PAM: variants seen among roughly 807,000 people sequenced by gnomAD.
PAM encodes the protein peptidyl-glycine alpha-amidating monooxygenase.
PAM carries 72 observed loss-of-function variants against 122.1 expected under a neutral mutation model. That is an observed-to-expected ratio of 0.59 (90% CI 0.49 to 0.72). The LOEUF is 0.72. Ranked by LOEUF, PAM falls within the 30% of genes least tolerant of loss-of-function variation. The pLI is 0.00. For synonymous variants in PAM, 389 were observed against 404.4 expected (o/e 0.96, Z 0.46); for missense variants, 1,106 against 1,183.7 (o/e 0.93, Z 0.96).
At chr5:102,803,213 G>T (rs187898263) in intron 1 of PAM, among the ~76,000 whole-genome samples, 2 of 67,138 alleles carry the variant, frequency 3.0e-5, no homozygotes, top group African/African-American at 1.1e-4. Context: ...AAGGAAAGAA[G>T]GAAGGAAGGA....
intron 1 of PAM, among the ~76,000 whole-genome samples, chr5:102,841,261 C>G (rs1778528827): frequency 6.6e-6 from 1 of 152,096 alleles, no homozygotes; most frequent in Admixed American, 6.6e-5. Context: ...TATCTTTTCT[C>G]CAGATTAAGT....
Position 103,007,629 on chromosome 5 carries a change from A to G in PAM, c.2187A>G (p.Arg729=). 6.2e-7 allele frequency: 1 copy of G among 1,611,858 alleles called. No homozygotes were observed. The highest frequency in any genetic ancestry group is 1.1e-5 in the South Asian group (1 of 91,050). ...VREIKHSSFG[R]NVFAISYIPG... is the part of the protein sequence containing the mutation. ...AGATTAAGCATTCATCATTTGGAAG[A>G]AATGTATTTGCAATTTCATATATAC... is the stretch of plus-strand genomic sequence containing the variant. The change falls in exon 20 of 26, where the codon AGA becomes AGG. Residue 729 remains arginine, a synonymous_variant. Transcript: ENST00000438793.
At chr5:102,821,928 T>A (rs1772056411) in intron 1 of PAM, among the ~76,000 whole-genome samples, 1 of 152,208 alleles carries the variant, frequency 6.6e-6, no homozygotes, top group African/African-American at 2.4e-5. Context: ...AATAAAAACC[T>A]AAATTGCTTC....
intron 1 of PAM, among the ~76,000 whole-genome samples, chr5:102,758,086 T>TG (rs1751115637): frequency 4.6e-5 from 2 of 43,780 alleles, no homozygotes; most frequent in East Asian, 9.9e-4. Context: ...TTTTTTTTTT[T>TG]TTTTTTTTTT....
intron 16 of PAM, among the ~76,000 whole-genome samples, chr5:102,992,871 A>G (rs1191479746): frequency 1.3e-5 from 2 of 152,144 alleles, no homozygotes; most frequent in Non-Finnish European, 2.9e-5. Context: ...GAAGCACATT[A>G]TATCCCATAG....
chr5:102,980,194 A>G (rs1320496762), intron 15 of PAM, among the ~76,000 whole-genome samples: 1 of 152,164 alleles, frequency 6.6e-6, no homozygotes, highest in Non-Finnish European at 1.5e-5. Context: ...AAAGTTGGGA[A>G]TGACTTGCCC....
chr5:102,782,717 C>G (rs1416257332), intron 1 of PAM, among the ~76,000 whole-genome samples: 5 of 146,766 alleles, frequency 3.4e-5, no homozygotes, highest in South Asian at 2.2e-4. Flanking sequence ...CTCTCTCTCT[C>G]TCTCTCTCTG....
At chr5:102,907,187 G>A (rs931831891) in intron 4 of PAM, among the ~76,000 whole-genome samples, 4 of 151,686 alleles carry the variant, frequency 2.6e-5, no homozygotes, top group Non-Finnish European at 5.9e-5. Context: ...GTACATCATT[G>A]TCCATACTAG....
rs542966828 is a variant in PAM at position 103,029,131 on chromosome 5, C to T, written c.*66C>T. 55 of 1,300,560 alleles carry T rather than the reference C, an allele frequency of 4.2e-5. No individual in the cohort carries two copies. The Admixed American group carries it at 5.7e-4, about 13-fold the overall frequency. The allele number at this position is 1,300,560 out of a possible 1,614,324, so 80.6% of individuals were successfully genotyped here. ...ATGTCAGATTCCTTTCCCTTTAGCACGTTTAAAGTTCTGTGTATTTAATTG... is the reference window on the plus strand; with the variant it reads ...ATGTCAGATTCCTTTCCCTTTAGCATGTTTAAAGTTCTGTGTATTTAATTG... On this transcript the variant is annotated 3_prime_UTR_variant, in exon 26 of 26. Coordinates refer to ENST00000438793, the MANE Select transcript of PAM (RefSeq NM_001177306.2).
intron 6 of PAM, among the ~76,000 whole-genome samples, chr5:102,925,316 C>T (rs562995621): frequency 2.0e-4 from 30 of 152,290 alleles, no homozygotes; most frequent in African/African-American, 7.0e-4. Flanking sequence ...TGACCTAAGG[C>T]ACATTGGTTC....
At chr5:102,836,508 G>C (rs186034052) in intron 1 of PAM, among the ~76,000 whole-genome samples, 2 of 152,278 alleles carry the variant, frequency 1.3e-5, no homozygotes, top group South Asian at 2.1e-4. Flanking sequence ...TGAGATTACA[G>C]ATGTGAACCA....
At chr5:102,939,321 T>C (rs982526978) in intron 7 of PAM, among the ~76,000 whole-genome samples, 2 of 152,104 alleles carry the variant, frequency 1.3e-5, no homozygotes, top group Non-Finnish European at 2.9e-5. Flanking sequence ...CTTTCAAAAC[T>C]CTTTCTTCTC....
At chr5:102,995,844 T>C (rs1007848887) in intron 16 of PAM, among the ~76,000 whole-genome samples, 1 of 152,116 alleles carries the variant, frequency 6.6e-6, no homozygotes, top group Non-Finnish European at 1.5e-5. Flanking sequence ...GTAAGTGTTT[T>C]TAACATAATA....
At chr5:102,998,608 T>C (rs1396807577) in intron 16 of PAM, among the ~76,000 whole-genome samples, 1 of 152,082 alleles carries the variant, frequency 6.6e-6, no homozygotes, top group Non-Finnish European at 1.5e-5. Flanking sequence ...TAAATGAAAA[T>C]ATTATATATA....
chr5:103,026,268 A>G (rs983293729), intron 24 of PAM, among the ~76,000 whole-genome samples: 1 of 152,144 alleles, frequency 6.6e-6, no homozygotes, highest in Admixed American at 6.5e-5. Flanking sequence ...GTGTGGGAAG[A>G]AATCCATGGA....
chr5:103,028,252 CT>C lies in PAM; in HGVS notation c.2743+18del, dbSNP rs776466447. ...GAAGATTTAGAGGTATGCCTATGAC[CT>C]TTTAGAACCCTTCATGTTTGGTTCA... On this transcript the variant is annotated intron_variant, in intron 25 of 25. Coordinates refer to ENST00000438793, the MANE Select transcript of PAM (RefSeq NM_001177306.2). 19 of 1,565,192 alleles carry C rather than the reference CT, an allele frequency of 1.2e-5. 1 individual carries two copies. Among genetic ancestry groups the C allele is most frequent in the Middle Eastern group, 1.7e-4 (1 of 5,986 alleles).
intron 21 of PAM, among the ~76,000 whole-genome samples, chr5:103,010,701 G>A (rs954849551): frequency 2.0e-5 from 3 of 152,108 alleles, no homozygotes; most frequent in African/African-American, 7.2e-5. Flanking sequence ...ATAATGTTAT[G>A]TTATTTTTAA....
intron 1 of PAM, among the ~76,000 whole-genome samples, chr5:102,800,339 T>C (rs184347156): frequency 1.1e-4 from 16 of 152,340 alleles, no homozygotes; most frequent in Non-Finnish European, 1.0e-4. Flanking sequence ...CACTCTGTGG[T>C]ATGGTTCTTC....
At chr5:102,931,812 C>G (rs1001467727) in intron 7 of PAM, among the ~76,000 whole-genome samples, 3 of 151,310 alleles carry the variant, frequency 2.0e-5, no homozygotes, top group African/African-American at 7.3e-5. Context: ...AACACACTCT[C>G]TCTCTCTCTC....
Sources: allele counts gnomAD v4.1 joint callset (sites outside exome capture counted in the v4.1 genomes callset), GRCh38; gene constraint gnomAD v4.1.1; transcripts MANE v1.5; gene names NCBI Gene and HGNC (gene_info 2026-07-23, HGNC 2026-07-21).